The following DENND5B variants were observed in gnomAD, a reference collection of about 807,000 sequenced individuals.
DENND5B encodes the protein DENN domain containing 5B.
In DENND5B, 34 loss-of-function variants were observed where a neutral mutation model predicts 140.6. The ratio of observed to expected loss-of-function variants is 0.24; its 90% confidence interval spans 0.18 to 0.32. The LOEUF (loss-of-function observed/expected upper bound fraction) is 0.32, where lower values mean the gene tolerates loss of function less well. Among genes scored for constraint, DENND5B ranks in the 10% least tolerant of loss-of-function variants. The pLI, the probability that DENND5B is intolerant of heterozygous loss-of-function variation, is 1.00. For missense variants in DENND5B, 1,142 were observed against 1,560.2 expected (o/e 0.73, Z 4.52); for synonymous variants, 551 against 562.1 (o/e 0.98, Z 0.28).
chr12:31,558,115 C>T (rs1476366932), intron 1 of DENND5B, among the ~76,000 whole-genome samples: 1 of 152,164 alleles, frequency 6.6e-6, no homozygotes, highest in African/African-American at 2.4e-5. Flanking sequence ...GAGTTCACTA[C>T]CTTGATAACA....
chr12:31,590,996 C>T lies in DENND5B; in HGVS notation c.-164G>A. ...CTCGCCGCCGCAGCCTGCCTCCTCGCTCGGCGCGGGGGAAGCGGCCGCGGG... is the reference window on the plus strand; with the variant it reads ...CTCGCCGCCGCAGCCTGCCTCCTCGTTCGGCGCGGGGGAAGCGGCCGCGGG... On this transcript the variant is annotated 5_prime_UTR_variant, in exon 1 of 21. Transcript: ENST00000389082. 7 of 802,878 alleles carry T rather than the reference C, an allele frequency of 8.7e-6. No individual in the cohort carries two copies. The highest frequency in any genetic ancestry group is 1.1e-5 in the Non-Finnish European group (7 of 655,142). The allele number at this position is 802,878 out of a possible 1,614,324, so 49.7% of individuals were successfully genotyped here.
At chr12:31,421,069 A>T (rs1370683176) in intron 11 of DENND5B, among the ~76,000 whole-genome samples, 1 of 152,054 alleles carries the variant, frequency 6.6e-6, no homozygotes, top group Non-Finnish European at 1.5e-5. Context: ...TTTGACATGG[A>T]GTCTCACTTC....
intron 1 of DENND5B, among the ~76,000 whole-genome samples, chr12:31,587,525 CCTTTTTTTTTTTT>C (rs1565723381): frequency 3.8e-5 from 5 of 130,522 alleles, no homozygotes; most frequent in East Asian, 2.2e-4. Context: ...ACCACAAATA[CCTTTTTTTTTTTT>C]TTTTTTTTTT....
At chr12:31,423,551 C>T in intron 11 of DENND5B, 46 bp downstream of exon 11, 1 of 1,590,766 alleles carries the variant, frequency 6.3e-7, no homozygotes, top group Non-Finnish European at 8.6e-7. Context: ...AGTATTGAGT[C>T]TTCTCAGAGT....
intron 1 of DENND5B, among the ~76,000 whole-genome samples, chr12:31,557,089 T>C (rs1949312256): frequency 6.6e-6 from 1 of 152,198 alleles, no homozygotes; most frequent in African/African-American, 2.4e-5. Flanking sequence ...TGGAATTATC[T>C]CCACAATATA....
intron 1 of DENND5B, among the ~76,000 whole-genome samples, chr12:31,544,899 T>C (rs1035441824): frequency 2.0e-5 from 3 of 151,958 alleles, no homozygotes; most frequent in South Asian, 2.1e-4. Context: ...ATCCAGGAGA[T>C]AGAGCAACAA....
intron 11 of DENND5B, among the ~76,000 whole-genome samples, chr12:31,416,524 A>G (rs568240268): frequency 4.6e-5 from 7 of 151,006 alleles, no homozygotes; most frequent in African/African-American, 1.5e-4. Context: ...TTGGCCTCCC[A>G]AAGTGCTGGG....
At chr12:31,393,517 G>C (rs1317850453) in intron 17 of DENND5B, among the ~76,000 whole-genome samples, 1 of 152,064 alleles carries the variant, frequency 6.6e-6, no homozygotes, top group East Asian at 1.9e-4. Context: ...GGAATGGTTT[G>C]TTTTTTTAAA....
Position 31,588,107 on chromosome 12 carries a change from C to T in DENND5B, c.127+2599G>A, listed in dbSNP as rs77907182. Among the ~76,000 whole-genome samples the T allele has an allele frequency of 9.6e-3, 1,462 of 152,336 alleles. 27 individuals are homozygous for T. Among genetic ancestry groups the T allele is most frequent in the African/African-American group, 0.033 (1,384 of 41,570 alleles). ...TCCCTCTCCCTCAGCTCCAGCCATA[C>T]TGGACTCCTTGCTGTTACCAGCACA... On this transcript the variant is annotated intron_variant, in intron 1 of 20. Transcript: ENST00000389082.
In DENND5B at chr12:31,460,121, A is replaced by G; in HGVS notation, c.1092+73T>C. 3 of 1,415,522 alleles carry G rather than the reference A, an allele frequency of 2.1e-6. No individual in the cohort carries two copies. The Admixed American group carries it at 6.8e-5, about 32-fold the overall frequency. 87.7% of individuals were successfully genotyped at this position (1,415,522 alleles called of 1,614,324 possible). A position where few individuals can be genotyped will look rare whatever the true frequency, so the allele number is the denominator to read the frequency against. On this transcript the variant is annotated intron_variant, in intron 4 of 20. Coordinates refer to ENST00000389082, the MANE Select transcript of DENND5B (RefSeq NM_144973.4). ...GACAGATAAAATTTTGACAAAGACA[A>G]TGCAATCTAACGAAAGTCGCCTTGA...
chr12:31,471,173 C>A (rs533722030), intron 3 of DENND5B, among the ~76,000 whole-genome samples: 1 of 152,154 alleles, frequency 6.6e-6, no homozygotes, highest in Non-Finnish European at 1.5e-5. Context: ...CCACTCCCAA[C>A]GGGAAAAATT....
intron 12 of DENND5B, among the ~76,000 whole-genome samples, chr12:31,414,078 A>C (rs995190069): frequency 6.6e-6 from 1 of 152,190 alleles, no homozygotes; most frequent in Non-Finnish European, 1.5e-5. Flanking sequence ...CTGCATTGAT[A>C]ATCTTTAATT....
chr12:31,538,592 C>T (rs766187359), intron 1 of DENND5B, among the ~76,000 whole-genome samples: 15 of 152,068 alleles, frequency 9.9e-5, no homozygotes, highest in African/African-American at 2.2e-4. Context: ...TCAGGCCAGG[C>T]GCAGTGGCTC....
chr12:31,453,597 T>C (rs1018284198), intron 4 of DENND5B, among the ~76,000 whole-genome samples: 2 of 152,110 alleles, frequency 1.3e-5, no homozygotes, highest in African/African-American at 2.4e-5. Context: ...ATTACATCAA[T>C]GGTTGAACAT....
At chr12:31,467,730 A>C (rs1055130353) in intron 3 of DENND5B, among the ~76,000 whole-genome samples, 1 of 152,242 alleles carries the variant, frequency 6.6e-6, no homozygotes, top group African/African-American at 2.4e-5. Flanking sequence ...ATAACAAGTA[A>C]GCCACAATGG....
At chr12:31,559,081 C>T (rs578261179) in intron 1 of DENND5B, among the ~76,000 whole-genome samples, 1 of 152,234 alleles carries the variant, frequency 6.6e-6, no homozygotes, top group Non-Finnish European at 1.5e-5. Context: ...GTTCTAACCC[C>T]AGATGAAAAA....
intron 1 of DENND5B, among the ~76,000 whole-genome samples, chr12:31,584,880 C>T (rs1422634103): frequency 1.6e-5 from 2 of 123,244 alleles, no homozygotes; most frequent in African/African-American, 3.1e-5. Context: ...AAATAGTTGG[C>T]GGCTATACTA....
intron 1 of DENND5B, among the ~76,000 whole-genome samples, chr12:31,550,899 T>C (rs1949033391): frequency 6.6e-6 from 1 of 152,212 alleles, no homozygotes; most frequent in Non-Finnish European, 1.5e-5. Context: ...CTTCGCCCAC[T>C]TGTTGATGGG....
At chr12:31,586,625 C>T (rs186574495) in intron 1 of DENND5B, among the ~76,000 whole-genome samples, 4 of 152,204 alleles carry the variant, frequency 2.6e-5, no homozygotes, top group African/African-American at 9.6e-5. Flanking sequence ...CCATTTGAAG[C>T]CTTGATAAGT....
Sources: allele counts gnomAD v4.1 joint callset (sites outside exome capture counted in the v4.1 genomes callset), GRCh38; gene constraint gnomAD v4.1.1; transcripts MANE v1.5; gene names NCBI Gene and HGNC (gene_info 2026-07-23, HGNC 2026-07-21).